Variants in SGK3 observed in about 807,000 individuals in gnomAD.
The protein encoded by SGK3 is serine/threonine-protein kinase Sgk3.
In SGK3, 47 loss-of-function variants were observed where a neutral mutation model predicts 68.5. The ratio of observed to expected loss-of-function variants is 0.69; its 90% confidence interval spans 0.54 to 0.87. The LOEUF (loss-of-function observed/expected upper bound fraction) is 0.87. Among genes scored for constraint, SGK3 ranks in the 40% least tolerant of loss-of-function variants. SGK3 has a pLI of 0.00. For missense variants in SGK3, 479 were observed against 575.5 expected, an observed-to-expected ratio of 0.83 and a Z score of 1.72; for synonymous variants, 181 against 189.1, an observed-to-expected ratio of 0.96 and a Z score of 0.35.
At chr8:66,851,402 C>G (rs1215914083) in intron 16 of SGK3, among the ~76,000 whole-genome samples, 1 of 151,934 alleles carries the variant, frequency 6.6e-6, no homozygotes, top group Non-Finnish European at 1.5e-5. Flanking sequence ...CCTTTACACT[C>G]CCAAACTACT....
chr8:66,813,503 TG>T (rs1808462975), intron 4 of SGK3, among the ~76,000 whole-genome samples: 1 of 152,030 alleles, frequency 6.6e-6, no homozygotes, highest in Admixed American at 6.5e-5. Context: ...TTTTATTCAT[TG>T]TTTGGTAGTA....
rs1282760887 is a variant in SGK3, at chr8:66,861,275, GT to G, written c.*1695del. On this transcript the variant is annotated 3_prime_UTR_variant, in exon 17 of 17. Coordinates refer to ENST00000521198, the MANE Select transcript of SGK3 (RefSeq NM_001033578.3). ...AGCACAGGAAACAGACCTTAAAATT[GT>G]AACCTACCAACTAACTTACATGCTT... 1.3e-5 allele frequency: 2 copies of G among 151,990 alleles called. No homozygotes were observed. Among genetic ancestry groups the G allele is most frequent in the Non-Finnish European group, 2.9e-5 (2 of 68,006 alleles). The allele number at this position is 151,990 out of a possible 1,614,324, so 9.4% of individuals were successfully genotyped here.
intron 1 of SGK3, among the ~76,000 whole-genome samples, chr8:66,748,681 A>T (rs1264257245): frequency 6.6e-6 from 1 of 152,094 alleles, no homozygotes. Context: ...TGATTTAGAG[A>T]TCAATAAACT....
At chr8:66,764,394 T>C (rs186268025) in intron 1 of SGK3, among the ~76,000 whole-genome samples, 99 of 152,316 alleles carry the variant, frequency 6.5e-4, no homozygotes, top group Middle Eastern at 3.4e-3. Flanking sequence ...TTAGTCCTTA[T>C]TATATTTCCC....
chr8:66,798,805 A>G (rs891609540), intron 3 of SGK3, among the ~76,000 whole-genome samples, 180 bp downstream of exon 3: 1 of 152,256 alleles, frequency 6.6e-6, no homozygotes, highest in African/African-American at 2.4e-5. Context: ...GAAAGGGTAG[A>G]GAGAGGACTG....
intron 14 of SGK3, among the ~76,000 whole-genome samples, chr8:66,846,957 C>A (rs1009466301): frequency 6.6e-6 from 1 of 152,190 alleles, no homozygotes; most frequent in Non-Finnish European, 1.5e-5. Flanking sequence ...CAGCTGTCTA[C>A]AAGGTGCTAT....
intron 1 of SGK3, among the ~76,000 whole-genome samples, chr8:66,784,285 T>C (rs1014316252): frequency 6.6e-6 from 1 of 152,206 alleles, no homozygotes; most frequent in Non-Finnish European, 1.5e-5. Context: ...CCATTGTTTC[T>C]GAACACCCAG....
intron 15 of SGK3, among the ~76,000 whole-genome samples, chr8:66,849,593 ATTTTTTT>A (rs755457958): frequency 2.4e-5 from 3 of 122,816 alleles, no homozygotes; most frequent in East Asian, 2.3e-4. Context: ...TTGGGGGAAT[ATTTTTTT>A]TTTTTTTTTT....
intron 1 of SGK3, among the ~76,000 whole-genome samples, chr8:66,771,750 T>G (rs973395197): frequency 6.6e-6 from 1 of 152,148 alleles, no homozygotes; most frequent in Non-Finnish European, 1.5e-5. Context: ...AAGTTGAAAA[T>G]AATCATGGAC....
At chr8:66,802,407 G>T (rs910233382) in intron 3 of SGK3, among the ~76,000 whole-genome samples, 1 of 152,062 alleles carries the variant, frequency 6.6e-6, no homozygotes, top group Non-Finnish European at 1.5e-5. Flanking sequence ...GTCAAACACA[G>T]GCCAGGAACA....
At chr8:66,831,208 A>G in intron 7 of SGK3, 46 bp from the exon 8 acceptor site, 1 of 1,601,988 alleles carries the variant, frequency 6.2e-7, no homozygotes, top group Non-Finnish European at 8.5e-7. Context: ...AAAAGTTAAT[A>G]TTTCCAATTT....
At chr8:66,815,330 C>T (rs988314631) in intron 5 of SGK3, among the ~76,000 whole-genome samples, 17 of 152,158 alleles carry the variant, frequency 1.1e-4, no homozygotes, top group African/African-American at 4.1e-4. Context: ...TGTGGTCACA[C>T]CAGCATTAGA....
intron 1 of SGK3, among the ~76,000 whole-genome samples, chr8:66,769,995 C>G (rs370326272): frequency 3.1e-4 from 47 of 152,302 alleles, no homozygotes; most frequent in African/African-American, 1.1e-3. Flanking sequence ...GCTCTGTTGC[C>G]CAGGCTGGAG....
intron 5 of SGK3, among the ~76,000 whole-genome samples, chr8:66,817,149 C>G (rs1808621497): frequency 6.6e-6 from 1 of 151,904 alleles, no homozygotes; most frequent in African/African-American, 2.4e-5. Flanking sequence ...AGCTTTTCTT[C>G]TGGCCAGGCA....
intron 1 of SGK3, among the ~76,000 whole-genome samples, chr8:66,738,926 A>G (rs56187393): frequency 0.13 from 19,948 of 152,054 alleles, 2,494 homozygotes; most frequent in African/African-American, 0.33. Flanking sequence ...CACTGCGCCC[A>G]GCCTAGAGTC....
intron 1 of SGK3, among the ~76,000 whole-genome samples, chr8:66,722,387 G>C (rs1278182493): frequency 6.6e-6 from 1 of 152,180 alleles, no homozygotes; most frequent in Non-Finnish European, 1.5e-5. Context: ...AGTTCAAGCG[G>C]TTCTCCTGCC....
intron 3 of SGK3, among the ~76,000 whole-genome samples, chr8:66,801,722 T>C (rs538551530): frequency 1.3e-5 from 2 of 152,250 alleles, no homozygotes; most frequent in South Asian, 4.1e-4. Flanking sequence ...CTTCTTTCTG[T>C]CTTTTGCTTA....
At chr8:66,760,374 A>G (rs1406128628) in intron 1 of SGK3, among the ~76,000 whole-genome samples, 1 of 122,716 alleles carries the variant, frequency 8.1e-6, no homozygotes, top group African/African-American at 3.2e-5. Context: ...TTGCCCTGTC[A>G]CCCAGGCTGG....
At chr8:66,845,393 C>T (rs1398252849) in intron 14 of SGK3, among the ~76,000 whole-genome samples, 3 of 150,906 alleles carry the variant, frequency 2.0e-5, no homozygotes, top group Admixed American at 1.3e-4. Context: ...AGCGAGACTC[C>T]GTCTCAAAAA....
Sources: allele counts gnomAD v4.1 joint callset (sites outside exome capture counted in the v4.1 genomes callset), GRCh38; gene constraint gnomAD v4.1.1; transcripts MANE v1.5; gene names NCBI Gene and HGNC (gene_info 2026-07-23, HGNC 2026-07-21).